The following EDIL3 variants were observed in gnomAD, a reference collection of about 807,000 sequenced individuals.
The protein encoded by EDIL3 is EGF like and discoidin domains 3, also known as EGF-like repeat and discoidin I-like domain-containing protein 3.
A neutral mutation model predicts 67.4 loss-of-function variants in EDIL3; 37 were observed. The observed-to-expected ratio is 0.55, with a 90% CI of 0.42 to 0.72. The LOEUF is 0.72. Among genes scored for constraint, EDIL3 ranks in the 30% least tolerant of loss-of-function variants. EDIL3 has a pLI of 0.00. For synonymous variants in EDIL3, 195 were observed against 196.3 expected (o/e 0.99, Z 0.05); for missense variants, 527 against 586.3 (o/e 0.90, Z 1.04).
At position 84,185,837 on chromosome 5, in the gene EDIL3, C is replaced by T. The variant is rs567148364; in HGVS notation, c.227-5316G>A. On this transcript the variant is annotated intron_variant, in intron 3 of 10. Transcript: ENST00000296591. ...CATAATGATTACATGTATCTTAATTCTTTGGCAAATACATAATCAAGAAAA... is the reference window on the plus strand; with the variant it reads ...CATAATGATTACATGTATCTTAATTTTTTGGCAAATACATAATCAAGAAAA... 9.9e-5 allele frequency among the ~76,000 whole-genome samples: 15 copies of T among 152,170 alleles called. No individual in the cohort carries two copies. In the South Asian group the frequency reaches 3.1e-3, roughly 32 times the overall value.
chr5:84,177,190 T>C (rs1748935429), intron 4 of EDIL3, among the ~76,000 whole-genome samples: 1 of 152,156 alleles, frequency 6.6e-6, no homozygotes, highest in Non-Finnish European at 1.5e-5. Flanking sequence ...GCAACCAAGA[T>C]ACTCTTCAAA....
intron 5 of EDIL3, among the ~76,000 whole-genome samples, chr5:84,132,312 T>C (rs1339192034): frequency 2.2e-5 from 2 of 88,896 alleles, no homozygotes; most frequent in African/African-American, 4.5e-5. Flanking sequence ...ATAATATATA[T>C]TATATATATT....
At chr5:84,050,197 CAAAA>C (rs11335643) in intron 9 of EDIL3, among the ~76,000 whole-genome samples, 4 of 60,852 alleles carry the variant, frequency 6.6e-5, no homozygotes, top group African/African-American at 2.5e-4. Flanking sequence ...AACTCCATCT[CAAAA>C]AAAAAAAAAA....
intron 1 of EDIL3, among the ~76,000 whole-genome samples, chr5:84,291,397 A>G (rs966698180): frequency 6.6e-6 from 1 of 152,154 alleles, no homozygotes; most frequent in Non-Finnish European, 1.5e-5. Flanking sequence ...AGAGGTTATC[A>G]GATTGAATTT....
intron 1 of EDIL3, among the ~76,000 whole-genome samples, chr5:84,282,161 G>A (rs916923886): frequency 2.0e-5 from 3 of 151,712 alleles, no homozygotes; most frequent in Non-Finnish European, 2.9e-5. Flanking sequence ...GTGAGCCACC[G>A]TGCCCGGCCT....
chr5:84,129,024 T>C (rs1747915974), intron 5 of EDIL3, among the ~76,000 whole-genome samples: 1 of 152,166 alleles, frequency 6.6e-6, no homozygotes. Flanking sequence ...TATTTGAACA[T>C]TTTGCAGATA....
chr5:84,121,538 G>GATCTATCTATCTATCT (rs3046833), intron 5 of EDIL3, among the ~76,000 whole-genome samples: 10 of 129,908 alleles, frequency 7.7e-5, no homozygotes, highest in East Asian at 4.5e-4. Flanking sequence ...AACTTAGATC[G>GATCTATCTATCTATCT]ATCTATCTAT....
At chr5:84,360,888 A>C (rs148893623) in intron 1 of EDIL3, among the ~76,000 whole-genome samples, 53 of 152,258 alleles carry the variant, frequency 3.5e-4, no homozygotes, top group African/African-American at 1.2e-3. Flanking sequence ...TTATCTTACA[A>C]AATAACCAAA....
chr5:84,253,941 A>G, intron 2 of EDIL3, 143 bp downstream of exon 2: 1 of 718,738 alleles, frequency 1.4e-6, no homozygotes, highest in Non-Finnish European at 2.0e-6. Flanking sequence ...GAAATGATAC[A>G]ACTGAGAATC....
At chr5:84,158,356 A>G (rs1006233193) in intron 4 of EDIL3, among the ~76,000 whole-genome samples, 1 of 152,052 alleles carries the variant, frequency 6.6e-6, no homozygotes, top group Non-Finnish European at 1.5e-5. Context: ...GTAAATACTG[A>G]GAAAATAATT....
At chr5:84,223,235 G>A (rs929405317) in intron 3 of EDIL3, among the ~76,000 whole-genome samples, 6 of 151,608 alleles carry the variant, frequency 4.0e-5, no homozygotes, top group African/African-American at 1.5e-4. Flanking sequence ...TAGTATGGAA[G>A]TTCCTCAAAA....
intron 1 of EDIL3, among the ~76,000 whole-genome samples, chr5:84,277,177 T>C (rs530425956): frequency 1.3e-5 from 2 of 152,218 alleles, no homozygotes; most frequent in African/African-American, 4.8e-5. Context: ...CCAAGATTCA[T>C]ATGTTGAAAT....
intron 1 of EDIL3, among the ~76,000 whole-genome samples, chr5:84,311,326 T>A (rs1271498840): frequency 7.0e-6 from 1 of 143,562 alleles, no homozygotes; most frequent in Non-Finnish European, 1.5e-5. Context: ...TTTTTTTTCT[T>A]TTTTTTTTTT....
chr5:84,233,283 A>G (rs1744619147), intron 2 of EDIL3, among the ~76,000 whole-genome samples: 1 of 152,176 alleles, frequency 6.6e-6, no homozygotes, highest in Non-Finnish European at 1.5e-5. Flanking sequence ...CCCCACACCT[A>G]CTGAATTTGA....
chr5:83,972,188 C>T (rs1744804894), intron 9 of EDIL3, among the ~76,000 whole-genome samples: 1 of 152,104 alleles, frequency 6.6e-6, no homozygotes, highest in South Asian at 2.1e-4. Flanking sequence ...GTATTCTATT[C>T]ATCTTTGTCA....
At chr5:84,047,491 A>G (rs1746244905) in intron 9 of EDIL3, 1 of 152,062 alleles carries the variant, frequency 6.6e-6, no homozygotes, top group South Asian at 2.1e-4. Flanking sequence ...GTCTATTTGA[A>G]GGTTAGATGG....
intron 9 of EDIL3, among the ~76,000 whole-genome samples, chr5:84,051,558 T>A (rs1746339639): frequency 6.6e-6 from 1 of 152,028 alleles, no homozygotes; most frequent in Admixed American, 6.6e-5. Context: ...CTAAAAACCT[T>A]GAAAAATGAT....
chr5:84,224,163 T>C (rs1348781007), intron 3 of EDIL3, among the ~76,000 whole-genome samples: 1 of 151,570 alleles, frequency 6.6e-6, no homozygotes, highest in Non-Finnish European at 1.5e-5. Flanking sequence ...CGACTTATTG[T>C]ATAGCTGCAA....
At chr5:84,159,773 A>G (rs1748571647) in intron 4 of EDIL3, among the ~76,000 whole-genome samples, 1 of 152,104 alleles carries the variant, frequency 6.6e-6, no homozygotes, top group Admixed American at 6.6e-5. Flanking sequence ...ATTAACTAAT[A>G]CCTAAAAGCA....
Sources: gnomAD v4.1 joint callset for allele counts (sites outside exome capture counted in the v4.1 genomes callset) on GRCh38, gnomAD v4.1.1 for gene constraint, MANE v1.5 for transcripts, NCBI Gene and HGNC (gene_info 2026-07-23, HGNC 2026-07-21) for gene names.